Variants in SLC16A1 observed in about 807,000 individuals in gnomAD.
SLC16A1 encodes solute carrier family 16 member 1.
A neutral mutation model predicts 32.2 loss-of-function variants in SLC16A1; 11 were observed. The observed-to-expected ratio is 0.34, with a 90% CI of 0.21 to 0.56. SLC16A1 has a LOEUF of 0.56. Among genes scored for constraint, SLC16A1 ranks in the 20% least tolerant of loss-of-function variants. SLC16A1 has a pLI of 0.87. For synonymous variants in SLC16A1, 231 were observed against 226.8 expected (o/e 1.02, Z -0.17); for missense variants, 435 against 615.0 (o/e 0.71, Z 3.10).
intron 1 of SLC16A1, among the ~76,000 whole-genome samples, chr1:112,933,622 A>C (rs543429290): frequency 6.6e-6 from 1 of 152,348 alleles, no homozygotes; most frequent in South Asian, 2.1e-4. Flanking sequence ...GTGCTTCACC[A>C]AAGATACATG....
chr1:112,944,188 C>T (rs1553211355), intron 1 of SLC16A1, among the ~76,000 whole-genome samples: 1 of 152,120 alleles, frequency 6.6e-6, no homozygotes, highest in Admixed American at 6.5e-5. Context: ...TGGTGGCTCA[C>T]ACCTGTAATC....
intron 1 of SLC16A1, 116 bp downstream of exon 1, chr1:112,955,919 G>GC (rs1281595549): frequency 1.3e-5 from 2 of 152,332 alleles, no homozygotes; most frequent in African/African-American, 2.4e-5. Context: ...CTGCTGGGCC[G>GC]CCTCCCTCCG....
intron 1 of SLC16A1, among the ~76,000 whole-genome samples, chr1:112,949,004 G>A (rs1014628723): frequency 1.2e-4 from 18 of 151,532 alleles, no homozygotes; most frequent in African/African-American, 9.7e-5. Flanking sequence ...TTAATTTTTT[G>A]TATTTTTAGT....
intron 1 of SLC16A1, chr1:112,955,620 T>C (rs1370369853): frequency 6.6e-6 from 1 of 152,256 alleles, no homozygotes; most frequent in African/African-American, 2.4e-5. Context: ...TCCCTTCCCT[T>C]GGGGCAGAAG....
At chr1:112,916,496 TAAAAA>T (rs570173297) in intron 4 of SLC16A1, among the ~76,000 whole-genome samples, 1 of 61,202 alleles carries the variant, frequency 1.6e-5, no homozygotes, top group African/African-American at 6.4e-5. Flanking sequence ...AAGACTGTCT[TAAAAA>T]AAAAAAAAAA....
chr1:112,948,391 C>T (rs1410568413), intron 1 of SLC16A1, among the ~76,000 whole-genome samples: 1 of 152,088 alleles, frequency 6.6e-6, no homozygotes, highest in African/African-American at 2.4e-5. Context: ...ATTAAATAGC[C>T]TTTTTAATTG....
chr1:112,931,656 A>C (rs1452501726), intron 1 of SLC16A1, among the ~76,000 whole-genome samples: 1 of 151,432 alleles, frequency 6.6e-6, no homozygotes, highest in Non-Finnish European at 1.5e-5. Flanking sequence ...AAAAAAAAAA[A>C]AAAAAAAAAA....
chr1:112,927,094 C>T (rs1648967710), intron 2 of SLC16A1, among the ~76,000 whole-genome samples: 1 of 146,638 alleles, frequency 6.8e-6, no homozygotes, highest in Non-Finnish European at 1.5e-5. Context: ...CCACTGTACT[C>T]CTGGTCAACA....
chr1:112,913,831 A>G lies in SLC16A1; in HGVS notation c.*60T>C. The G allele has an allele frequency of 6.3e-7, 1 of 1,591,452 alleles. No homozygotes were observed. The highest frequency in any genetic ancestry group is 2.2e-5 in the East Asian group (1 of 44,782). ...CACCACTGGTAGATTACAGGCCAGT[A>G]GAATATTTTCAGATATCCTGGGTCA... On this transcript the variant is annotated 3_prime_UTR_variant, in exon 5 of 5. Transcript: ENST00000369626.
chr1:112,926,259 T>C (rs1010651329), intron 2 of SLC16A1, among the ~76,000 whole-genome samples: 14 of 152,200 alleles, frequency 9.2e-5, no homozygotes, highest in African/African-American at 2.9e-4. Flanking sequence ...ATTATTCATG[T>C]GTTTCATAGG....
chr1:112,953,015 C>CCAAA (rs1244123875), intron 1 of SLC16A1, among the ~76,000 whole-genome samples: 1 of 152,210 alleles, frequency 6.6e-6, no homozygotes, highest in Non-Finnish European at 1.5e-5. Flanking sequence ...TGTTTCTCTA[C>CCAAA]CAAATCCTGT....
chr1:112,914,485 A>G (rs138325521), intron 4 of SLC16A1, among the ~76,000 whole-genome samples: 1 of 152,342 alleles, frequency 6.6e-6, no homozygotes, highest in African/African-American at 2.4e-5. Context: ...AGTGTTGCTA[A>G]AAGAGGCTTG....
At chr1:112,936,462 C>T (rs1018343639) in intron 1 of SLC16A1, among the ~76,000 whole-genome samples, 1 of 112,488 alleles carries the variant, frequency 8.9e-6, no homozygotes, top group African/African-American at 3.5e-5. Flanking sequence ...GTCTAGGTGA[C>T]ACAGCATGAC....
chr1:112,927,490 T>C (rs1225193538), intron 2 of SLC16A1, among the ~76,000 whole-genome samples: 1 of 152,136 alleles, frequency 6.6e-6, no homozygotes, highest in Non-Finnish European at 1.5e-5. Flanking sequence ...ATCACAGTTG[T>C]AAAAGTGATG....
In SLC16A1 at chr1:112,914,110, G is replaced by A. The variant is rs774103196; in HGVS notation, c.1284C>T (p.Val428=). 2.8e-5 allele frequency: 46 copies of A among 1,614,164 alleles called. No homozygotes were observed. The highest frequency in any genetic ancestry group is 3.9e-5 in the Non-Finnish European group (46 of 1,180,018). The change falls in exon 5 of 5, where the codon GTC becomes GTT. Residue 428 remains valine, a synonymous_variant. Transcript: ENST00000369626. The part of the protein sequence containing the change: ...DYKYTYWACG[V]VLIISGIYLF... ...GATAGATACCTGAAATAATTAGGAC[G>A]ACGCCACATGCCCAGTATGTGTATT...
intron 1 of SLC16A1, among the ~76,000 whole-genome samples, chr1:112,937,541 A>T (rs958178466): frequency 2.0e-5 from 3 of 152,204 alleles, no homozygotes; most frequent in Non-Finnish European, 4.4e-5. Flanking sequence ...AACTGAAAAA[A>T]AAAAGTCAGT....
At chr1:112,949,952 A>G (rs1289838941) in intron 1 of SLC16A1, among the ~76,000 whole-genome samples, 1 of 152,246 alleles carries the variant, frequency 6.6e-6, no homozygotes, top group East Asian at 1.9e-4. Flanking sequence ...CAGTGGGTCT[A>G]ATAATCACAC....
chr1:112,938,885 T>A (rs1012136613), intron 1 of SLC16A1, among the ~76,000 whole-genome samples: 1 of 152,048 alleles, frequency 6.6e-6, no homozygotes, highest in Admixed American at 6.6e-5. Flanking sequence ...TTCTTTTTTT[T>A]TTTTTTACCT....
intron 1 of SLC16A1, among the ~76,000 whole-genome samples, chr1:112,931,453 C>G (rs1427501387): frequency 6.6e-6 from 1 of 151,776 alleles, no homozygotes; most frequent in East Asian, 1.9e-4. Context: ...CGAGACCAAC[C>G]TTATCAATAT....
Sources: allele counts gnomAD v4.1 joint callset (sites outside exome capture counted in the v4.1 genomes callset), GRCh38; gene constraint gnomAD v4.1.1; transcripts MANE v1.5; gene names NCBI Gene and HGNC (gene_info 2026-07-23, HGNC 2026-07-21).